The following LPP variants were observed in gnomAD, a reference collection of about 807,000 sequenced individuals.
The protein encoded by LPP is LIM domain containing preferred translocation partner in lipoma.
A neutral mutation model predicts 60.4 loss-of-function variants in LPP; 38 were observed. The ratio of observed to expected loss-of-function variants is 0.63; its 90% CI spans 0.49 to 0.83. LPP has a LOEUF of 0.83. LPP is among the 40% of genes least tolerant of loss of function. The pLI is 0.00. For synonymous variants in LPP, 328 were observed against 290.8 expected (o/e 1.13, Z -1.30); for missense variants, 902 against 783.6 (o/e 1.15, Z -1.80).
chr3:188,723,519 T>G (rs1233673749), intron 8 of LPP, among the ~76,000 whole-genome samples: 1 of 152,154 alleles, frequency 6.6e-6, no homozygotes, highest in African/African-American at 2.4e-5. Context: ...CTGGTCCCAG[T>G]GTCATTTTGT....
chr3:188,689,105 A>G (rs1861533233), intron 7 of LPP, among the ~76,000 whole-genome samples: 2 of 152,184 alleles, frequency 1.3e-5, no homozygotes, highest in Non-Finnish European at 2.9e-5. Flanking sequence ...CATTCAGGAC[A>G]CTTCTGCTGC....
intron 3 of LPP, among the ~76,000 whole-genome samples, chr3:188,369,845 G>T (rs1212059823): frequency 6.6e-6 from 1 of 152,176 alleles, no homozygotes; most frequent in Non-Finnish European, 1.5e-5. Flanking sequence ...ACAGACTCAG[G>T]TTGGATGGAA....
chr3:188,858,231 A>G (rs989526820), intron 9 of LPP, among the ~76,000 whole-genome samples: 2 of 152,114 alleles, frequency 1.3e-5, no homozygotes, highest in Non-Finnish European at 2.9e-5. Flanking sequence ...AAGGAAAGGA[A>G]CTCAATTCTT....
At chr3:188,773,590 C>T (rs986463193) in intron 9 of LPP, among the ~76,000 whole-genome samples, 2 of 152,106 alleles carry the variant, frequency 1.3e-5, no homozygotes, top group Non-Finnish European at 2.9e-5. Context: ...TTTTACTTTA[C>T]ACACTCTTTA....
rs1332525217 is a variant in LPP, at chr3:188,886,296, T to C, written c.*11817T>C. ...TGCACATGTACCCTAAAACTTAAAG[T>C]ATAATAATAATGAAATAAAATTAAA... On this transcript the variant is annotated 3_prime_UTR_variant, in exon 12 of 12. Coordinates refer to ENST00000617246, the MANE Select transcript of LPP (RefSeq NM_001375462.1). 6.1e-6 allele frequency: 1 copy of C among 163,634 alleles called. No homozygotes were observed. Among genetic ancestry groups the C allele is most frequent in the East Asian group, 1.2e-4 (1 of 8,212 alleles). 10.1% of individuals were successfully genotyped at this position (163,634 alleles called of 1,614,324 possible).
At chr3:188,588,285 T>C (rs1837927713) in intron 6 of LPP, among the ~76,000 whole-genome samples, 1 of 152,138 alleles carries the variant, frequency 6.6e-6, no homozygotes, top group South Asian at 2.1e-4. Context: ...GAAAAAACGG[T>C]CCCCTCTCTT....
intron 3 of LPP, among the ~76,000 whole-genome samples, chr3:188,374,110 A>G (rs1223469371): frequency 1.3e-5 from 2 of 151,900 alleles, no homozygotes; most frequent in Non-Finnish European, 2.9e-5. Flanking sequence ...GGTTACTGTA[A>G]CCTTGTAGTA....
At chr3:188,530,306 A>G (rs1191115564) in intron 6 of LPP, among the ~76,000 whole-genome samples, 1 of 152,244 alleles carries the variant, frequency 6.6e-6, no homozygotes, top group African/African-American at 2.4e-5. Flanking sequence ...CTTTATAAAA[A>G]AATCCTCCAT....
intron 8 of LPP, among the ~76,000 whole-genome samples, chr3:188,758,029 A>T (rs1021013497): frequency 6.6e-6 from 1 of 151,924 alleles, no homozygotes; most frequent in African/African-American, 2.4e-5. Context: ...AAACTTTTGA[A>T]GTCTGCCACA....
chr3:188,588,870 G>A (rs978418047), intron 6 of LPP, among the ~76,000 whole-genome samples: 9 of 152,008 alleles, frequency 5.9e-5, no homozygotes, highest in African/African-American at 2.2e-4. Context: ...CGAAGATACG[G>A]CTCAGAGAGC....
chr3:188,466,830 T>G lies in LPP; in HGVS notation c.194-17762T>G, dbSNP rs574006102. 1.3e-4 allele frequency among the ~76,000 whole-genome samples: 17 copies of G among 129,208 alleles called. No individual in the cohort carries two copies. In the South Asian group the frequency reaches 3.5e-3, roughly 26 times the overall value. The allele number at this position is 129,208 out of a possible 152,430, so 84.8% of individuals were successfully genotyped here. A position where few individuals can be genotyped will look rare whatever the true frequency, so the allele number is the denominator to read the frequency against. On this transcript the variant is annotated intron_variant, in intron 4 of 11. Coordinates refer to ENST00000617246, the MANE Select transcript of LPP (RefSeq NM_001375462.1). ...ACATATATATATATATATATATATA[T>G]ATATATATATATGCTGTGTAAACTC...
chr3:188,376,222 T>C (rs144559079), intron 3 of LPP, among the ~76,000 whole-genome samples: 150,936 of 151,690 alleles, frequency 1, 75,096 homozygotes, highest in Middle Eastern at 1. Flanking sequence ...CTATTAGGTC[T>C]GCTTGGTGCA....
chr3:188,808,582 C>A (rs1403580366), intron 9 of LPP, among the ~76,000 whole-genome samples: 3 of 152,114 alleles, frequency 2.0e-5, no homozygotes, highest in Non-Finnish European at 2.9e-5. Context: ...ATGGGCAGGG[C>A]ATTAAGCCTT....
chr3:188,523,195 C>G lies in LPP; in HGVS notation c.307-1470C>G, dbSNP rs114726704. On this transcript the variant is annotated intron_variant, in intron 5 of 11. Transcript: ENST00000617246. ...CTGCTGAGATTACAGGCATGAGCCACCGCGCCCGTCCTGAAATCCATGTTT... is the reference window on the plus strand; with the variant it reads ...CTGCTGAGATTACAGGCATGAGCCAGCGCGCCCGTCCTGAAATCCATGTTT... Among the ~76,000 whole-genome samples, 376 of 152,190 alleles carry G rather than the reference C, an allele frequency of 2.5e-3. 4 individuals carry two copies. Among genetic ancestry groups the G allele is most frequent in the African/African-American group, 8.7e-3 (360 of 41,508 alleles).
intron 2 of LPP, among the ~76,000 whole-genome samples, chr3:188,251,931 A>G (rs955586863): frequency 4.0e-5 from 6 of 150,366 alleles, no homozygotes; most frequent in Non-Finnish European, 7.4e-5. Context: ...AAACTAAACC[A>G]AAAGAAGTGC....
At chr3:188,530,582 A>G (rs1474148113) in intron 6 of LPP, among the ~76,000 whole-genome samples, 1 of 152,190 alleles carries the variant, frequency 6.6e-6, no homozygotes, top group Non-Finnish European at 1.5e-5. Flanking sequence ...AGGCTCATTT[A>G]GAGACAGTTT....
At chr3:188,373,627 G>C (rs1314304948) in intron 3 of LPP, among the ~76,000 whole-genome samples, 2 of 151,730 alleles carry the variant, frequency 1.3e-5, no homozygotes, top group Admixed American at 6.6e-5. Flanking sequence ...AGATGAGTAG[G>C]TTGCAAAAAT....
intron 6 of LPP, among the ~76,000 whole-genome samples, chr3:188,549,971 C>T (rs747852507): frequency 3.9e-5 from 6 of 152,036 alleles, no homozygotes; most frequent in Non-Finnish European, 8.8e-5. Context: ...AGTTTGTGAC[C>T]TCTGTTACTA....
chr3:188,677,656 G>A (rs1858429077), intron 7 of LPP, among the ~76,000 whole-genome samples: 1 of 152,150 alleles, frequency 6.6e-6, no homozygotes, highest in South Asian at 2.1e-4. Flanking sequence ...CGTTCCATGA[G>A]CTGCTCTGTC....
Sources: gnomAD v4.1 joint callset for allele counts (sites outside exome capture counted in the v4.1 genomes callset) on GRCh38, gnomAD v4.1.1 for gene constraint, MANE v1.5 for transcripts, NCBI Gene and HGNC (gene_info 2026-07-23, HGNC 2026-07-21) for gene names.